RPL11: variants seen among roughly 807,000 people sequenced by gnomAD.
The protein encoded by RPL11 is large ribosomal subunit protein uL5.
In RPL11, 3 loss-of-function variants were observed where a neutral mutation model predicts 24.1. The ratio of observed to expected loss-of-function variants is 0.12; its 90% CI spans 0.06 to 0.32. The LOEUF (loss-of-function observed/expected upper bound fraction) is 0.32, where lower values mean the gene tolerates loss of function less well. Ranked by LOEUF, RPL11 falls within the 10% of genes least tolerant of loss-of-function variation. The probability of loss-of-function intolerance (pLI) is 1.00; values close to 1 mark genes in which losing one functional copy is unlikely to be tolerated. For synonymous variants in RPL11, 96 were observed against 75.7 expected, an observed-to-expected ratio of 1.27 and a Z score of -1.39; for missense variants, 146 against 225.7, an observed-to-expected ratio of 0.65 and a Z score of 2.26.
At chr1:23,695,668 C>G in intron 4 of RPL11, 130 bp from the exon 5 acceptor site, 1 of 833,558 alleles carries the variant, frequency 1.2e-6, no homozygotes, top group South Asian at 1.5e-5. Context: ...AGACACAGAT[C>G]ATGGGTCTTG....
intron 5 of RPL11, 62 bp from the exon 6 acceptor site, chr1:23,696,282 C>T: frequency 1.4e-6 from 2 of 1,473,136 alleles, no homozygotes; most frequent in Non-Finnish European, 1.9e-6. Flanking sequence ...CAAAAGTTAG[C>T]CATTGCTGCA....
intron 4 of RPL11, chr1:23,695,533 G>A: frequency 1.9e-6 from 1 of 515,120 alleles, no homozygotes; most frequent in South Asian, 2.1e-5. Flanking sequence ...TTTGGGAGCA[G>A]TAATGGAGGA....
intron 1 of RPL11, chr1:23,692,067 A>G: frequency 1.6e-6 from 1 of 610,758 alleles, no homozygotes; most frequent in Non-Finnish European, 2.9e-6. Flanking sequence ...CACGGTCAGG[A>G]GGCTGCAGCG....
At chr1:23,694,924 T>C in intron 4 of RPL11, 133 bp downstream of exon 4, 1 of 1,404,706 alleles carries the variant, frequency 7.1e-7, no homozygotes, top group Non-Finnish European at 1.0e-6. Context: ...CTCCTCCCCC[T>C]TGGGGAAATG....
rs369905301 is a variant in RPL11 at position 23,691,845 on chromosome 1, C to G, written c.6+16C>G. On this transcript the variant is annotated intron_variant, in intron 1 of 5. Transcript: ENST00000643754. ...CATCATGGCGGTGAGTAGCTGGGAC[C>G]TGGATTTGCTTTCCTTTATCCGTCG... The G allele has an allele frequency of 3.1e-6, 5 of 1,614,234 alleles. No homozygotes were observed. In the East Asian group the frequency reaches 8.9e-5, roughly 29 times the overall value.
In RPL11 at chr1:23,696,807, G is replaced by A. The variant is rs1003041675; in HGVS notation, c.*434G>A. 4.2e-6 allele frequency: 1 copy of A among 236,412 alleles called. No homozygotes were observed. Among genetic ancestry groups the A allele is most frequent in the South Asian group, 6.2e-5 (1 of 16,232 alleles). The allele number at this position is 236,412 out of a possible 1,614,324, so 14.6% of individuals were successfully genotyped here. A position where few individuals can be genotyped will look rare whatever the true frequency, so the allele number is the denominator to read the frequency against. Reference sequence around the variant, plus strand: ...AAGGAATGACAGGCTTTGGTGTGATGGTTGAGATTAAATTTAGACTTAACT... The same window carrying A: ...AAGGAATGACAGGCTTTGGTGTGATAGTTGAGATTAAATTTAGACTTAACT... On this transcript the variant is annotated 3_prime_UTR_variant, in exon 6 of 6. Transcript: ENST00000643754.
intron 3 of RPL11, 24 bp downstream of exon 3, chr1:23,693,937 T>A (rs755306814): frequency 6.5e-7 from 1 of 1,542,020 alleles, no homozygotes; most frequent in African/African-American, 1.4e-5. Flanking sequence ...CCTAATGGAG[T>A]GATATTGATC....
Position 23,696,730 on chromosome 1 carries a change from A to G in RPL11, c.*357A>G, listed in dbSNP as rs1391204417. 1 of 387,708 alleles carries G rather than the reference A, an allele frequency of 2.6e-6. No homozygotes were observed. The highest frequency in any genetic ancestry group is 4.9e-6 in the Non-Finnish European group (1 of 206,030). 24.0% of individuals were successfully genotyped at this position (387,708 alleles called of 1,614,324 possible). A position where few individuals can be genotyped will look rare whatever the true frequency, so the allele number is the denominator to read the frequency against. On this transcript the variant is annotated 3_prime_UTR_variant, in exon 6 of 6. Coordinates refer to ENST00000643754, the MANE Select transcript of RPL11 (RefSeq NM_000975.5). Reference sequence around the variant, plus strand: ...CCTGTGTTCCAGGAGGCCCCCTGCTATTCAGTGATTCTGTTCTGTACTAGA... The same window carrying G: ...CCTGTGTTCCAGGAGGCCCCCTGCTGTTCAGTGATTCTGTTCTGTACTAGA...
At position 23,695,825 on chromosome 1, in the gene RPL11, G is replaced by T. The variant is rs766268959; in HGVS notation, c.424G>T (p.Ala142Ser). Residue 142 changes from alanine to serine, a missense_variant, in exon 5 of 6, where the codon GCA becomes TCA. Physicochemically the swap from Ala to Ser is moderately conservative, Grantham distance 99. Coordinates refer to ENST00000643754, the MANE Select transcript of RPL11 (RefSeq NM_000975.5). ...VVLGRPGFSI[A>S]DKKRRTGCIG... ...GCTGGGTAGGCCAGGTTTCAGCATC[G>T]CAGACAAGAAGCGCAGGACAGGCTG... 2.5e-6 allele frequency: 4 copies of T among 1,598,296 alleles called. No individual in the cohort carries two copies. Among genetic ancestry groups the T allele is most frequent in the Non-Finnish European group, 3.4e-6 (4 of 1,172,906 alleles).
At chr1:23,694,878 T>C (rs1644523966) in intron 4 of RPL11, 87 bp downstream of exon 4, 2 of 1,587,988 alleles carry the variant, frequency 1.3e-6, no homozygotes, top group Non-Finnish European at 8.6e-7. Context: ...GTTCACATGT[T>C]GAGTTGCAGC....
chr1:23,695,168 C>T (rs1644526097), intron 4 of RPL11: 1 of 356,190 alleles, frequency 2.8e-6, no homozygotes, highest in African/African-American at 2.1e-5. Flanking sequence ...CTGGTTCTTC[C>T]TATAGAAACA....
Position 23,692,642 on chromosome 1 carries a change from G to C in RPL11, c.40G>C (p.Glu14Gln), listed in dbSNP as rs1226891026. Reference sequence around the variant, plus strand: ...AGGTGAAAAGGAGAACCCCATGCGGGAACTTCGCATCCGCAAACTCTGTCT... The same window carrying C: ...AGGTGAAAAGGAGAACCCCATGCGGCAACTTCGCATCCGCAAACTCTGTCT... ...DQGEKENPMRELRIRKLCLNI... is the reference protein window; with the variant it reads ...DQGEKENPMRQLRIRKLCLNI... The change falls in exon 2 of 6, where the codon GAA (glutamate) becomes CAA (glutamine). Residue 14 changes from glutamate (E) to glutamine (Q), a missense_variant. Transcript: ENST00000643754. 6.2e-7 allele frequency: 1 copy of C among 1,614,162 alleles called. No individual in the cohort carries two copies. The highest frequency in any genetic ancestry group is 1.1e-5 in the South Asian group (1 of 91,086).
At position 23,696,463 on chromosome 1, in the gene RPL11, T is replaced by A. The variant is rs1235788563; in HGVS notation, c.*90T>A. On this transcript the variant is annotated 3_prime_UTR_variant, in exon 6 of 6. Coordinates refer to ENST00000643754, the MANE Select transcript of RPL11 (RefSeq NM_000975.5). ...TTCTGTGAAAGGATCCTGGCCATATTCAAGTCCTTGGACCTCAAGCCACTT... is the reference window on the plus strand; with the variant it reads ...TTCTGTGAAAGGATCCTGGCCATATACAAGTCCTTGGACCTCAAGCCACTT... 1 of 1,372,412 alleles carries A rather than the reference T, an allele frequency of 7.3e-7. No homozygotes were observed. The highest frequency in any genetic ancestry group is 1.0e-6 in the Non-Finnish European group (1 of 965,760). 85.0% of individuals were successfully genotyped at this position (1,372,412 alleles called of 1,614,324 possible). A position where few individuals can be genotyped will look rare whatever the true frequency, so the allele number is the denominator to read the frequency against.
intron 4 of RPL11, chr1:23,695,326 C>T (rs1431760730): frequency 3.7e-6 from 1 of 271,744 alleles, no homozygotes; most frequent in Non-Finnish European, 7.1e-6. Context: ...GATGGTGGCA[C>T]CCTCATTAGA....
At position 23,694,644 on chromosome 1, in the gene RPL11, G is replaced by T. The variant is rs759798958; in HGVS notation, c.265-16G>T. 6.2e-7 allele frequency: 1 copy of T among 1,613,748 alleles called. No homozygotes were observed. The highest frequency in any genetic ancestry group is 1.1e-5 in the South Asian group (1 of 91,052). ...GAAGATGACAAGGAATGTTATTGCTGCATTTTTCTCCACAGGTGCGGGAGT... is the reference window on the plus strand; with the variant it reads ...GAAGATGACAAGGAATGTTATTGCTTCATTTTTCTCCACAGGTGCGGGAGT... On this transcript the variant is annotated splice_polypyrimidine_tract_variant and intron_variant, in intron 3 of 5. Coordinates refer to ENST00000643754, the MANE Select transcript of RPL11 (RefSeq NM_000975.5).
In RPL11 at chr1:23,695,892, G is replaced by A. The variant is rs749610453; in HGVS notation, c.491G>A (p.Arg164His). The change falls in exon 5 of 6, where the codon CGC (arginine) becomes CAC (histidine). Residue 164 changes from arginine to histidine, a missense_variant. Arg to His is a conservative substitution (Grantham distance 29). Transcript: ENST00000643754. ...AGAATCAGCAAAGAGGAGGCCATGC[G>A]CTGGTTCCAGCAGAAGGTAAAGCTG... Reference protein sequence around the residue: ...KHRISKEEAMRWFQQKYDGII... With the variant: ...KHRISKEEAMHWFQQKYDGII... 24 of 1,583,506 alleles carry A rather than the reference G, an allele frequency of 1.5e-5. No homozygotes were observed. The highest frequency in any genetic ancestry group is 1.7e-4 in the Middle Eastern group (1 of 6,010).
chr1:23,693,960 G>A (rs1557434974), intron 3 of RPL11, 47 bp downstream of exon 3: 4 of 1,270,228 alleles, frequency 3.1e-6, no homozygotes, highest in Non-Finnish European at 4.6e-6. Context: ...CACTCCTTTA[G>A]TAACACATGT....
chr1:23,696,106 T>G (rs1189348673), intron 5 of RPL11, among the ~76,000 whole-genome samples, 198 bp downstream of exon 5: 1 of 152,132 alleles, frequency 6.6e-6, no homozygotes, highest in Non-Finnish European at 1.5e-5. Flanking sequence ...CCTGTCACCA[T>G]GAATGGGGGT....
intron 4 of RPL11, chr1:23,695,387 A>G (rs1644527311): frequency 3.5e-6 from 1 of 289,462 alleles, no homozygotes; most frequent in Admixed American, 4.8e-5. Context: ...GGAACAGCAC[A>G]CCTTTGGGAA....
Sources: allele counts gnomAD v4.1 joint callset (sites outside exome capture counted in the v4.1 genomes callset), GRCh38; gene constraint gnomAD v4.1.1; transcripts MANE v1.5; gene names NCBI Gene and HGNC (gene_info 2026-07-23, HGNC 2026-07-21).